The following RRBP1 variants were observed in gnomAD, a reference collection of about 807,000 sequenced individuals.
The protein encoded by RRBP1 is ribosome-binding protein 1.
RRBP1 carries 94 observed loss-of-function variants against 165.2 expected under a neutral mutation model. The ratio of observed to expected loss-of-function variants is 0.57; its 90% CI spans 0.48 to 0.68. RRBP1 has a LOEUF of 0.68. Among genes scored for constraint, RRBP1 ranks in the 30% least tolerant of loss-of-function variants. The pLI is 0.00. For synonymous variants in RRBP1, 680 were observed against 714.5 expected (o/e 0.95, Z 0.77); for missense variants, 1,676 against 1,763.0 (o/e 0.95, Z 0.88).
intron 8 of RRBP1, among the ~76,000 whole-genome samples, chr20:17,630,880 C>T (rs2036137680): frequency 1.3e-5 from 2 of 152,264 alleles, no homozygotes; most frequent in South Asian, 4.1e-4. Flanking sequence ...CCAAGCTGAT[C>T]CCATCCACAT....
At chr20:17,639,231 TCTGAGCC>T (rs2036302620) in intron 5 of RRBP1, among the ~76,000 whole-genome samples, 3 of 152,172 alleles carry the variant, frequency 2.0e-5, no homozygotes, top group Admixed American at 6.5e-5. Context: ...CTCAAGGGCG[TCTGAGCC>T]CATCAACTCC....
intron 11 of RRBP1, among the ~76,000 whole-genome samples, chr20:17,626,677 T>G (rs976039031): frequency 2.0e-5 from 3 of 152,164 alleles, no homozygotes; most frequent in African/African-American, 7.2e-5. Context: ...CCCCAGACTG[T>G]GGGCATGTGC....
intron 2 of RRBP1, among the ~76,000 whole-genome samples, chr20:17,677,485 G>A (rs534880922): frequency 1.6e-4 from 24 of 152,246 alleles, no homozygotes; most frequent in African/African-American, 5.1e-4. Flanking sequence ...ACTAAGATGA[G>A]CCCACAAGTA....
At chr20:17,641,438 C>T (rs967099636) in intron 5 of RRBP1, 1 of 266,286 alleles carries the variant, frequency 3.8e-6, no homozygotes, top group Non-Finnish European at 7.2e-6. Flanking sequence ...CCTTTCCAGG[C>T]ACAGCCCCTA....
Position 17,641,989 on chromosome 20 carries a change from A to G in RRBP1, c.2062-70T>C. The G allele has an allele frequency of 3.3e-6, 5 of 1,528,706 alleles. No homozygotes were observed. The South Asian group carries it at 5.9e-5, about 18-fold the overall frequency. 94.7% of individuals were successfully genotyped at this position (1,528,706 alleles called of 1,614,324 possible). A position where few individuals can be genotyped will look rare whatever the true frequency, so the allele number is the denominator to read the frequency against. The stretch of plus-strand genomic sequence containing the variant: ...TTGGCTCATCCCCTGACCCCGGACA[A>G]GAGCAGAGGCCTGAGGGCTTGATGA... On this transcript the variant is annotated intron_variant, in intron 4 of 24. Coordinates refer to ENST00000377813, the MANE Select transcript of RRBP1 (RefSeq NM_001365613.2).
rs1425390722 is a variant in RRBP1 at position 17,658,648 on chromosome 20, C to G, written c.1860G>C (p.Lys620Asn). The G allele has an allele frequency of 3.7e-6, 6 of 1,613,060 alleles. No homozygotes were observed. The African/African-American group carries it at 8.0e-5, about 22-fold the overall frequency. Residue 620 changes from lysine (K) to asparagine (N), a missense_variant, in exon 3 of 25, where the codon AAG (lysine) becomes AAC (asparagine). By Grantham distance (94) the Lys-to-Asn change is moderately conservative (BLOSUM62 0). Transcript: ENST00000377813. ...ACTTCTTCTTGGCAGGAGCCTCTTG[C>G]TTTGGTGCCTCTGGGCTCTGGGCCA... Reference protein sequence around the residue: ...TDVAQSPEAPKQEAPAKKKSG... With the variant: ...TDVAQSPEAPNQEAPAKKKSG...
intron 3 of RRBP1, among the ~76,000 whole-genome samples, chr20:17,646,974 G>A (rs565760398): frequency 7.4e-4 from 112 of 152,212 alleles, no homozygotes; most frequent in Non-Finnish European, 1.2e-3. Flanking sequence ...TCCACGGGGA[G>A]GGTATCAGAA....
intron 5 of RRBP1, among the ~76,000 whole-genome samples, chr20:17,639,472 A>G (rs968341322): frequency 6.6e-6 from 1 of 152,216 alleles, no homozygotes; most frequent in Non-Finnish European, 1.5e-5. Flanking sequence ...AACAAGAAAC[A>G]TAGGTTCCAT....
At position 17,659,671 on chromosome 20, in the gene RRBP1, C is replaced by G; in HGVS notation, c.837G>C (p.Gly279=). ...GGGTTGGGGCCCCCTCCACCTTTTT[C>G]CCCTGGTTTGGGGTTGTATCTACCT... ...GKKVDTTPNQ[G]KKVEGAPTQG... Residue 279 remains glycine, a synonymous_variant, in exon 3 of 25, where the codon GGG becomes GGC. Transcript: ENST00000377813. The G allele has an allele frequency of 6.5e-7, 1 of 1,547,034 alleles. No homozygotes were observed. Among genetic ancestry groups the G allele is most frequent in the Non-Finnish European group, 8.7e-7 (1 of 1,145,908 alleles).
chr20:17,670,801 G>A (rs1317684977), intron 2 of RRBP1, among the ~76,000 whole-genome samples: 3 of 152,168 alleles, frequency 2.0e-5, no homozygotes. Flanking sequence ...TTGAGTTGCT[G>A]TATCACTAAA....
chr20:17,657,356 A>C (rs2036663134), intron 3 of RRBP1, among the ~76,000 whole-genome samples: 1 of 152,170 alleles, frequency 6.6e-6, no homozygotes. Context: ...GCCCCAGCAA[A>C]TGGCCCATCA....
rs923479056 is a variant in RRBP1 at position 17,621,890 on chromosome 20, C to A, written c.3205G>T (p.Ala1069Ser). 1.2e-6 allele frequency: 2 copies of A among 1,613,910 alleles called. No homozygotes were observed. Among genetic ancestry groups the A allele is most frequent in the Non-Finnish European group, 8.5e-7 (1 of 1,180,004 alleles). Reference protein sequence around the residue: ...IEAQTMEALLALLPELSVLAQ... With the variant: ...IEAQTMEALLSLLPELSVLAQ... ...AAGACAGAGAGTTCTGGGAGCAGAG[C>A]CAGCAGGGCCTCCATGGTCTGCGCC... The change falls in exon 14 of 25, where the codon GCT becomes TCT. Residue 1069 changes from alanine to serine, a missense_variant. Around this residue, in one of 5 missense-constraint regions of RRBP1, gnomAD observed 1,184 missense variants for 1,167.1 expected, o/e 1.01. Coordinates refer to ENST00000377813, the MANE Select transcript of RRBP1 (RefSeq NM_001365613.2).
In RRBP1 at chr20:17,660,094, G is replaced by C. The variant is rs765945898; in HGVS notation, c.414C>G (p.Asp138Glu). Residue 138 changes from aspartate (D) to glutamate (E), a missense_variant, in exon 3 of 25, where the codon GAC (aspartate) becomes GAG (glutamate). By Grantham distance (45) the Asp-to-Glu change is conservative. This residue lies in a region of RRBP1 where 392 missense variants were observed against 382.5 expected (regional missense o/e 1.02). Transcript: ENST00000377813. The stretch of plus-strand genomic sequence containing the variant: ...CCACTTTTTTCTCCTTCTTCTTTTT[G>C]TCCTTGGGGGAGGAGGCCAGCTTCT... ...PQEKLASSPKDKKKKEKKVAK... is the reference protein window; with the variant it reads ...PQEKLASSPKEKKKKEKKVAK... 16 of 1,613,922 alleles carry C rather than the reference G, an allele frequency of 9.9e-6. No individual in the cohort carries two copies. In the Admixed American group the frequency reaches 2.7e-4, roughly 27 times the overall value.
Position 17,659,505 on chromosome 20 carries a change from C to A in RRBP1, c.1003G>T (p.Ala335Ser). ...AQNQGKKAEGAQNQGKKAEGA... is the reference protein window; with the variant it reads ...AQNQGKKAEGSQNQGKKAEGA... ...TCGGCCTTCTTGCCCTGATTCTGGG[C>A]CCCCTCGGCCTTCTTGCCCTGGTTC... is the stretch of plus-strand genomic sequence containing the variant. Residue 335 changes from alanine (A) to serine (S), a missense_variant, in exon 3 of 25, where the codon GCC (alanine) becomes TCC (serine). Physicochemically the swap from Ala to Ser is moderately conservative, Grantham distance 99. Coordinates refer to ENST00000377813, the MANE Select transcript of RRBP1 (RefSeq NM_001365613.2). 1 of 1,544,938 alleles carries A rather than the reference C, an allele frequency of 6.5e-7. No homozygotes were observed. Among genetic ancestry groups the A allele is most frequent in the Non-Finnish European group, 8.7e-7 (1 of 1,145,278 alleles).
intron 2 of RRBP1, among the ~76,000 whole-genome samples, chr20:17,665,676 C>T (rs1008943185): frequency 2.0e-5 from 3 of 152,206 alleles, no homozygotes; most frequent in East Asian, 1.9e-4. Context: ...AAAATTTATG[C>T]TGTCACACAA....
At chr20:17,680,324 T>C (rs1168348399) in intron 1 of RRBP1, among the ~76,000 whole-genome samples, 3 of 152,216 alleles carry the variant, frequency 2.0e-5, no homozygotes, top group Admixed American at 6.5e-5. Context: ...ACAGACGTCC[T>C]GGGTCTCTGG....
intron 17 of RRBP1, 41 bp from the exon 18 acceptor site, chr20:17,620,411 G>A: frequency 1.9e-6 from 3 of 1,554,490 alleles, no homozygotes; most frequent in Non-Finnish European, 2.7e-6. Context: ...ACGAGCACCT[G>A]GGGGTGTCTC....
intron 2 of RRBP1, among the ~76,000 whole-genome samples, chr20:17,669,174 T>C (rs2036927393): frequency 6.6e-6 from 1 of 152,228 alleles, no homozygotes; most frequent in Admixed American, 6.5e-5. Context: ...AATAGAAATG[T>C]ACTCTATTAT....
chr20:17,657,587 A>G (rs899586007), intron 3 of RRBP1, among the ~76,000 whole-genome samples: 4 of 152,188 alleles, frequency 2.6e-5, no homozygotes, highest in African/African-American at 4.8e-5. Context: ...AAAAGAAAAG[A>G]AAGGAAAAAA....
Sources: gnomAD v4.1 joint callset for allele counts (sites outside exome capture counted in the v4.1 genomes callset) on GRCh38, gnomAD v4.1.1 for gene constraint, gnomAD v4.1.1 regional missense constraint, MANE v1.5 for transcripts, NCBI Gene and HGNC (gene_info 2026-07-23, HGNC 2026-07-21) for gene names.